AHCTF1: variants seen among roughly 807,000 people sequenced by gnomAD.
AHCTF1 encodes protein ELYS.
In AHCTF1, 24 loss-of-function variants were observed where a neutral mutation model predicts 248.4. The ratio of observed to expected loss-of-function variants is 0.10; its 90% CI spans 0.07 to 0.14. The LOEUF (loss-of-function observed/expected upper bound fraction) is 0.14, where lower values mean the gene tolerates loss of function less well. AHCTF1 is among the 10% of genes least tolerant of loss of function. AHCTF1 has a pLI of 1.00. For missense variants in AHCTF1, 2,206 were observed against 2,636.2 expected (o/e 0.84, Z 3.57); for synonymous variants, 786 against 929.8 (o/e 0.85, Z 2.81).
At chr1:246,906,265 G>C (rs1358696891) in intron 5 of AHCTF1, among the ~76,000 whole-genome samples, 1 of 152,128 alleles carries the variant, frequency 6.6e-6, no homozygotes, top group Non-Finnish European at 1.5e-5. Context: ...TATTTCTTTA[G>C]GAGCAAATTC....
chr1:246,900,753 A>G (rs911709607), intron 8 of AHCTF1, among the ~76,000 whole-genome samples: 11 of 152,216 alleles, frequency 7.2e-5, no homozygotes, highest in Non-Finnish European at 1.5e-4. Flanking sequence ...TATTAGAGGC[A>G]GAAAGTACAA....
chr1:246,926,833 G>A (rs1386182940), intron 1 of AHCTF1, among the ~76,000 whole-genome samples: 3 of 151,892 alleles, frequency 2.0e-5, no homozygotes, highest in Admixed American at 2.0e-4. Flanking sequence ...TCCAGCCTGG[G>A]CAACAAGAGC....
chr1:246,905,695 T>G, intron 5 of AHCTF1, 38 bp from the exon 6 acceptor site: 1 of 1,523,468 alleles, frequency 6.6e-7, no homozygotes, highest in Non-Finnish European at 9.0e-7. Flanking sequence ...TTTAAGTTAT[T>G]TTTTAGAAAG....
At chr1:246,868,886 C>T (rs1440643225) in intron 24 of AHCTF1, among the ~76,000 whole-genome samples, 2 of 148,684 alleles carry the variant, frequency 1.3e-5, no homozygotes, top group South Asian at 2.1e-4. Context: ...GCTCTGTCAC[C>T]CAGGTTGGAG....
At chr1:246,930,517 A>G (rs988031142) in intron 1 of AHCTF1, among the ~76,000 whole-genome samples, 6 of 151,976 alleles carry the variant, frequency 3.9e-5, no homozygotes, top group African/African-American at 1.5e-4. Context: ...ATCCTCCGAA[A>G]TAAGTAAACC....
intron 24 of AHCTF1, among the ~76,000 whole-genome samples, chr1:246,874,839 G>A (rs565547451): frequency 3.3e-5 from 5 of 151,976 alleles, no homozygotes; most frequent in South Asian, 4.1e-4. Context: ...CCTGACCTCC[G>A]GCTCTCAGCC....
chr1:246,923,145 T>G (rs34044345), intron 1 of AHCTF1, among the ~76,000 whole-genome samples: 2 of 145,712 alleles, frequency 1.4e-5, no homozygotes, highest in Non-Finnish European at 3.0e-5. Flanking sequence ...CTGGGCACGG[T>G]GGCCCATGCC....
At chr1:246,920,020 G>C (rs1553304959) in intron 1 of AHCTF1, among the ~76,000 whole-genome samples, 1 of 151,442 alleles carries the variant, frequency 6.6e-6, no homozygotes, top group East Asian at 2.0e-4. Flanking sequence ...GCATACGCTT[G>C]TAATTCCAGC....
At chr1:246,871,676 G>T (rs1662598380) in intron 24 of AHCTF1, among the ~76,000 whole-genome samples, 2 of 152,068 alleles carry the variant, frequency 1.3e-5, no homozygotes, top group Non-Finnish European at 1.5e-5. Context: ...CAGACTCTAA[G>T]TATGCTTTCT....
chr1:246,923,190 A>G (rs1458236616), intron 1 of AHCTF1, among the ~76,000 whole-genome samples: 2 of 151,300 alleles, frequency 1.3e-5, no homozygotes, highest in Non-Finnish European at 2.9e-5. Context: ...CGAGGTGGGC[A>G]GATCACCTGA....
chr1:246,861,201 G>A lies in AHCTF1; in HGVS notation c.3830C>T (p.Thr1277Ile), dbSNP rs376685608. 1.2e-6 allele frequency: 2 copies of A among 1,613,656 alleles called. No homozygotes were observed. The highest frequency in any genetic ancestry group is 4.5e-5 in the East Asian group (2 of 44,882). Residue 1277 changes from threonine to isoleucine, a missense_variant, in exon 29 of 36, where the codon ACA (threonine) becomes ATA (isoleucine). Physicochemically the swap from Thr to Ile is moderately conservative, Grantham distance 89 (BLOSUM62 -1). Coordinates refer to ENST00000648844, the MANE Select transcript of AHCTF1 (RefSeq NM_001323342.2). The part of the protein sequence containing the change: ...TEWLKSKDRT[T>I]SFFLNSPEKE... The stretch of plus-strand genomic sequence containing the variant: ...TTCAGGGCTGTTCAGGAAAAAAGAT[G>A]TGGTCCTATCTTTGCTCTTCAGCCA...
intron 8 of AHCTF1, among the ~76,000 whole-genome samples, chr1:246,901,158 G>T (rs1327549487): frequency 1.3e-5 from 2 of 152,026 alleles, no homozygotes; most frequent in East Asian, 1.9e-4. Flanking sequence ...AGGCAACACA[G>T]CAAAAACCTC....
chr1:246,907,715 A>T lies in AHCTF1; in HGVS notation c.600T>A (p.Ile200=). Residue 200 remains isoleucine (I), a synonymous_variant, in exon 5 of 36, where the codon ATT becomes ATA. Coordinates refer to ENST00000648844, the MANE Select transcript of AHCTF1 (RefSeq NM_001323342.2). ...LTGIPAEVPH[I]RESVMRQGRH... ...GCCCTTGTCTCATTACACTTTCTCT[A>T]ATGTGTGGTACTTCAGCTGGGATAC... is the stretch of plus-strand genomic sequence containing the variant. The T allele has an allele frequency of 6.2e-7, 1 of 1,613,972 alleles. No individual in the cohort carries two copies.
At chr1:246,885,234 T>A (rs1018670891) in intron 21 of AHCTF1, among the ~76,000 whole-genome samples, 1 of 152,188 alleles carries the variant, frequency 6.6e-6, no homozygotes, top group Non-Finnish European at 1.5e-5. Flanking sequence ...TCCCCATGGA[T>A]ACCAAAATCC....
At chr1:246,855,004 T>C (rs1661011438) in intron 31 of AHCTF1, among the ~76,000 whole-genome samples, 1 of 152,254 alleles carries the variant, frequency 6.6e-6, no homozygotes, top group Admixed American at 6.5e-5. Flanking sequence ...TCCATAATCA[T>C]GTATTACCTT....
intron 1 of AHCTF1, among the ~76,000 whole-genome samples, chr1:246,928,572 A>G (rs1667114979): frequency 6.6e-6 from 1 of 152,186 alleles, no homozygotes; most frequent in Admixed American, 6.6e-5. Context: ...ATTATTTTTA[A>G]GTATACACTG....
intron 19 of AHCTF1, 32 bp downstream of exon 19, chr1:246,888,145 C>T (rs770208912): frequency 6.2e-6 from 10 of 1,605,028 alleles, no homozygotes; most frequent in East Asian, 2.2e-5. Context: ...TTTAGTAATA[C>T]ATGAAACACT....
chr1:246,891,960 A>T, intron 14 of AHCTF1, 41 bp from the exon 15 acceptor site: 1 of 1,548,204 alleles, frequency 6.5e-7, no homozygotes, highest in Non-Finnish European at 8.6e-7. Context: ...CATACAGTAA[A>T]TCTAAATAAA....
Position 246,900,169 on chromosome 1 carries a change from T to C in AHCTF1, c.1328A>G (p.His443Arg), listed in dbSNP as rs147113268. 3.7e-6 allele frequency: 6 copies of C among 1,610,658 alleles called. No individual in the cohort carries two copies. The highest frequency in any genetic ancestry group is 2.7e-5 in the African/African-American group (2 of 74,730). ...LESVVSRTSP[H>R]GILDILVHER... ...ATGTACTAATATATCCAAGATGCCATGTGGAGAAGTCCTACTTACAACAGA... is the reference window on the plus strand; with the variant it reads ...ATGTACTAATATATCCAAGATGCCACGTGGAGAAGTCCTACTTACAACAGA... Residue 443 changes from histidine (H) to arginine (R), a missense_variant, in exon 10 of 36, where the codon CAT (histidine) becomes CGT (arginine). His to Arg is a conservative substitution (Grantham distance 29). Around this residue, in one of 6 missense-constraint regions of AHCTF1, gnomAD observed 650 missense variants for 870.8 expected, o/e 0.75. Coordinates refer to ENST00000648844, the MANE Select transcript of AHCTF1 (RefSeq NM_001323342.2).
Sources: allele counts gnomAD v4.1 joint callset (sites outside exome capture counted in the v4.1 genomes callset), GRCh38; gene constraint gnomAD v4.1.1; regional missense constraint gnomAD v4.1.1; transcripts MANE v1.5; gene names NCBI Gene and HGNC (gene_info 2026-07-23, HGNC 2026-07-21).